RCC2: variants seen among roughly 807,000 people sequenced by gnomAD.
RCC2 encodes protein RCC2.
In RCC2, 19 loss-of-function variants were observed where a neutral mutation model predicts 64.1. That is an observed-to-expected ratio of 0.30 (90% CI 0.21 to 0.44). The LOEUF (loss-of-function observed/expected upper bound fraction) is 0.44, where lower values mean the gene tolerates loss of function less well. Ranked by LOEUF, RCC2 falls within the 20% of genes least tolerant of loss-of-function variation. The pLI is 1.00. For missense variants in RCC2, 508 were observed against 710.4 expected, an observed-to-expected ratio of 0.72 and a Z score of 3.24; for synonymous variants, 325 against 279.6, an observed-to-expected ratio of 1.16 and a Z score of -1.62.
chr1:17,409,209 C>T lies in RCC2; in HGVS notation c.1465-15G>A. On this transcript the variant is annotated splice_polypyrimidine_tract_variant and intron_variant, in intron 12 of 12. Transcript: ENST00000375436. Reference sequence around the variant, plus strand: ...CCCATGGCGACCTGGGGGGACAAATCAGCGTTGGGTGTGCCTGAGGCGCCT... The same window carrying T: ...CCCATGGCGACCTGGGGGGACAAATTAGCGTTGGGTGTGCCTGAGGCGCCT... 1 of 1,567,486 alleles carries T rather than the reference C, an allele frequency of 6.4e-7. No individual in the cohort carries two copies. The highest frequency in any genetic ancestry group is 1.7e-5 in the Admixed American group (1 of 59,956).
chr1:17,425,791 G>A, intron 3 of RCC2, 107 bp from the exon 4 acceptor site: 1 of 1,186,198 alleles, frequency 8.4e-7, no homozygotes, highest in Non-Finnish European at 1.2e-6. Flanking sequence ...AGGGACAGGT[G>A]TTCCTCGGGT....
intron 2 of RCC2, among the ~76,000 whole-genome samples, chr1:17,433,466 C>T (rs1234011604): frequency 6.6e-6 from 1 of 152,216 alleles, no homozygotes; most frequent in African/African-American, 2.4e-5. Context: ...GTGTCTGAAG[C>T]TCAGTGTGCC....
At chr1:17,417,225 C>T (rs1008748550) in intron 7 of RCC2, among the ~76,000 whole-genome samples, 9 of 152,228 alleles carry the variant, frequency 5.9e-5, no homozygotes, top group South Asian at 2.1e-4. Flanking sequence ...GGGACTGGTT[C>T]GCAAAGACCC....
chr1:17,420,599 A>G (rs2100368772), intron 7 of RCC2, 115 bp downstream of exon 7: 1 of 586,920 alleles, frequency 1.7e-6, no homozygotes, highest in Non-Finnish European at 2.9e-6. Context: ...GACAAAGGCT[A>G]TTATCTGAGA....
At chr1:17,438,123 G>C in intron 2 of RCC2, 107 bp downstream of exon 2, 3 of 852,950 alleles carry the variant, frequency 3.5e-6, no homozygotes, top group Non-Finnish European at 4.4e-6. Context: ...GCCGCCGGGA[G>C]GGAGCGTGAC....
intron 1 of RCC2, 100 bp from the exon 2 acceptor site, chr1:17,438,622 T>G: frequency 4.3e-6 from 5 of 1,162,332 alleles, no homozygotes; most frequent in Non-Finnish European, 5.4e-6. Flanking sequence ...CTTCCTCCTC[T>G]GCCCTCCCCA....
intron 7 of RCC2, among the ~76,000 whole-genome samples, chr1:17,419,243 CA>C (rs1232787779): frequency 6.6e-6 from 1 of 152,150 alleles, no homozygotes; most frequent in Non-Finnish European, 1.5e-5. Context: ...CCTGTAGTCC[CA>C]ACTACTTGGG....
chr1:17,434,786 G>C (rs2075718681), intron 2 of RCC2, among the ~76,000 whole-genome samples: 1 of 152,226 alleles, frequency 6.6e-6, no homozygotes, highest in Non-Finnish European at 1.5e-5. Flanking sequence ...TGATAGCAGG[G>C]GGAGACCTCC....
At position 17,407,356 on chromosome 1, in the gene RCC2, A is replaced by C. The variant is rs1056986183; in HGVS notation, c.*1734T>G. ...TTCCAGGAAAGAGACCTGTCCAGGG[A>C]AACGGATCAGGCTGTCGCATGGAAG... On this transcript the variant is annotated 3_prime_UTR_variant, in exon 13 of 13. Transcript: ENST00000375436. 6 of 152,260 alleles carry C rather than the reference A, an allele frequency of 3.9e-5. No individual in the cohort carries two copies. The highest frequency in any genetic ancestry group is 1.4e-4 in the African/African-American group (6 of 41,460). 9.4% of individuals were successfully genotyped at this position (152,260 alleles called of 1,614,324 possible).
chr1:17,412,170 G>A lies in RCC2; in HGVS notation c.1338C>T (p.Ala446=). 3.1e-6 allele frequency: 5 copies of A among 1,614,046 alleles called. No individual in the cohort carries two copies. The highest frequency in any genetic ancestry group is 4.2e-6 in the Non-Finnish European group (5 of 1,180,004). Residue 446 remains alanine, a synonymous_variant, in exon 11 of 13, where the codon GCC becomes GCT. Coordinates refer to ENST00000375436, the MANE Select transcript of RCC2 (RefSeq NM_018715.4). ...ACGKSSIIVA[A]DESTISWGPS... is the part of the protein sequence containing the mutation. The stretch of plus-strand genomic sequence containing the variant: ...GACCCCAGCTGATGGTGCTCTCATC[G>A]GCGGCCACAATGATGCTGCTCTTCC...
chr1:17,414,483 T>C (rs1423995178), intron 8 of RCC2, among the ~76,000 whole-genome samples: 1 of 135,844 alleles, frequency 7.4e-6, no homozygotes, highest in African/African-American at 2.9e-5. Context: ...TGAGCCGAGA[T>C]AGCGTCACTG....
At chr1:17,438,684 G>C (rs746324838) in intron 1 of RCC2, 162 bp from the exon 2 acceptor site, 34 of 645,820 alleles carry the variant, frequency 5.3e-5, no homozygotes, top group Non-Finnish European at 6.8e-5. Context: ...AGAGGAAATC[G>C]CGCCCCTCCC....
chr1:17,430,720 G>A (rs2353740), intron 2 of RCC2, among the ~76,000 whole-genome samples: 37,911 of 151,744 alleles, frequency 0.25, 4,970 homozygotes, highest in East Asian at 0.38. Context: ...CCCGGGAGGC[G>A]GAGGTTGCAG....
chr1:17,417,343 T>C (rs1052730944), intron 7 of RCC2, among the ~76,000 whole-genome samples: 4 of 152,186 alleles, frequency 2.6e-5, no homozygotes, highest in Non-Finnish European at 5.9e-5. Context: ...AAGTAGTTTA[T>C]AGTTTTAAAC....
intron 2 of RCC2, among the ~76,000 whole-genome samples, chr1:17,430,949 C>T (rs1029960226): frequency 1.3e-5 from 2 of 151,792 alleles, no homozygotes; most frequent in Admixed American, 6.5e-5. Flanking sequence ...AATTCCTGAC[C>T]GCAGGTGATC....
chr1:17,431,141 G>C (rs537732277), intron 2 of RCC2, among the ~76,000 whole-genome samples: 4 of 150,148 alleles, frequency 2.7e-5, no homozygotes, highest in African/African-American at 7.3e-5. Flanking sequence ...GACCATCCTG[G>C]CTAGCACGGT....
At position 17,438,216 on chromosome 1, in the gene RCC2, T is replaced by C; in HGVS notation, c.285+14A>G. 1 of 1,273,716 alleles carries C rather than the reference T, an allele frequency of 7.9e-7. No individual in the cohort carries two copies. Among genetic ancestry groups the C allele is most frequent in the South Asian group, 1.9e-5 (1 of 51,938 alleles). 78.9% of individuals were successfully genotyped at this position (1,273,716 alleles called of 1,614,324 possible). On this transcript the variant is annotated intron_variant, in intron 2 of 12. Coordinates refer to ENST00000375436, the MANE Select transcript of RCC2 (RefSeq NM_018715.4). ...CGGCCCTGCGCCCACCCGTCTACCCTGACCCTCACTCACGACGCGCTCCTT... is the reference window on the plus strand; with the variant it reads ...CGGCCCTGCGCCCACCCGTCTACCCCGACCCTCACTCACGACGCGCTCCTT...
At position 17,420,817 on chromosome 1, in the gene RCC2, G is replaced by A. The variant is rs778165911; in HGVS notation, c.756C>T (p.Asn252=). 4.9e-5 allele frequency: 78 copies of A among 1,598,788 alleles called. 1 individual carries two copies. The highest frequency in any genetic ancestry group is 2.1e-4 in the South Asian group (19 of 88,400). ...AVPSPAQIMY[N]GQPITKMACG... ...AGGCCATTTTGGTAATTGGCTGGCC[G>A]TTGTACATTATCTGAAAAGACAAGA... Residue 252 remains asparagine (N), a synonymous_variant, in exon 7 of 13, where the codon AAC becomes AAT. Transcript: ENST00000375436.
chr1:17,429,522 G>C (rs139535838), intron 2 of RCC2, among the ~76,000 whole-genome samples: 3 of 152,114 alleles, frequency 2.0e-5, no homozygotes, highest in African/African-American at 7.2e-5. Context: ...ATGTACAGAG[G>C]TATTTGCAGG....
Sources: gnomAD v4.1 joint callset for allele counts (sites outside exome capture counted in the v4.1 genomes callset) on GRCh38, gnomAD v4.1.1 for gene constraint, MANE v1.5 for transcripts, NCBI Gene and HGNC (gene_info 2026-07-23, HGNC 2026-07-21) for gene names.